PTPRT: variants seen among roughly 807,000 people sequenced by gnomAD.
PTPRT encodes the protein protein tyrosine phosphatase receptor type T.
A neutral mutation model predicts 176.8 loss-of-function variants in PTPRT; 56 were observed. That is an observed-to-expected ratio of 0.32 (90% CI 0.26 to 0.40). The LOEUF is 0.40. Ranked by LOEUF, PTPRT falls within the 10% of genes least tolerant of loss-of-function variation. PTPRT has a pLI of 1.00. For missense variants in PTPRT, 1,540 were observed against 1,908.2 expected, an observed-to-expected ratio of 0.81 and a Z score of 3.60; for synonymous variants, 783 against 739.0, an observed-to-expected ratio of 1.06 and a Z score of -0.96.
At chr20:42,980,774 G>A (rs932927577) in intron 1 of PTPRT, among the ~76,000 whole-genome samples, 14 of 152,164 alleles carry the variant, frequency 9.2e-5, no homozygotes, top group East Asian at 3.9e-4. Flanking sequence ...TTGTTAGAGC[G>A]TCTACTTTAG....
intron 9 of PTPRT, among the ~76,000 whole-genome samples, chr20:42,438,473 T>C (rs2059283107): frequency 6.6e-6 from 1 of 152,196 alleles, no homozygotes; most frequent in African/African-American, 2.4e-5. Context: ...CTGATATCTC[T>C]GTCAGTTAAC....
the PTPRT span, among the ~76,000 whole-genome samples, chr20:42,044,835 A>T: frequency 4.6e-5 from 7 of 152,192 alleles, no homozygotes; most frequent in Admixed American, 1.3e-4. Flanking sequence ...ACATGAAACT[A>T]ACTGGGCTAG....
At position 42,677,930 on chromosome 20, in the gene PTPRT, T is replaced by G. The variant is rs369003695; in HGVS notation, c.1089A>C (p.Thr363=). 8.7e-6 allele frequency: 14 copies of G among 1,614,026 alleles called. No homozygotes were observed. The highest frequency in any genetic ancestry group is 1.0e-5 in the Non-Finnish European group (12 of 1,180,000). Residue 363 remains threonine (T), a synonymous_variant, in exon 7 of 31, where the codon ACA becomes ACC. Transcript: ENST00000373187. ...GTCCCGTACCCCCCTCACCTGGTCG[T>G]GTGAGGAGCACTCGGATCTCATACT... ...DVEYEIRVLL[T]RPGEGGTGPP...
At chr20:43,142,337 G>A (rs910562187) in intron 1 of PTPRT, among the ~76,000 whole-genome samples, 4 of 152,356 alleles carry the variant, frequency 2.6e-5, no homozygotes, top group Middle Eastern at 3.4e-3. Context: ...CAGGGCACAC[G>A]ACTGTCCCCC....
At chr20:42,150,091 G>A (rs1989057878) in intron 17 of PTPRT, among the ~76,000 whole-genome samples, 3 of 152,148 alleles carry the variant, frequency 2.0e-5, no homozygotes, top group Admixed American at 2.0e-4. Context: ...TCTTCTACCT[G>A]GTTCTACTGA....
intron 6 of PTPRT, among the ~76,000 whole-genome samples, chr20:42,752,005 C>T (rs553043222): frequency 6.6e-6 from 1 of 152,106 alleles, no homozygotes; most frequent in African/African-American, 2.4e-5. Context: ...ACCCCATGAC[C>T]CAAATGTCCC....
intron 1 of PTPRT, among the ~76,000 whole-genome samples, chr20:42,933,227 A>G (rs1314768162): frequency 3.3e-5 from 5 of 152,156 alleles, no homozygotes; most frequent in Admixed American, 1.3e-4. Context: ...ACCTTCAGCC[A>G]AGAATGTCTT....
At chr20:43,054,506 A>G (rs1431799672) in intron 1 of PTPRT, among the ~76,000 whole-genome samples, 1 of 150,522 alleles carries the variant, frequency 6.6e-6, no homozygotes, top group East Asian at 2.0e-4. Flanking sequence ...GTGGGCCAAG[A>G]TTGTACCACT....
intron 7 of PTPRT, among the ~76,000 whole-genome samples, chr20:42,580,718 T>G (rs6130173): frequency 0.43 from 64,761 of 151,912 alleles, 14,293 homozygotes; most frequent in East Asian, 0.51. Flanking sequence ...CTGTTATTGA[T>G]GTATAAGAAT....
At chr20:42,794,663 T>C (rs775442244) in intron 2 of PTPRT, among the ~76,000 whole-genome samples, 5 of 152,172 alleles carry the variant, frequency 3.3e-5, no homozygotes, top group Non-Finnish European at 7.3e-5. Flanking sequence ...AAAAAGGGAA[T>C]AAACTATTAT....
At chr20:42,597,735 C>A (rs560900515) in intron 7 of PTPRT, among the ~76,000 whole-genome samples, 1 of 152,272 alleles carries the variant, frequency 6.6e-6, no homozygotes, top group South Asian at 2.1e-4. Flanking sequence ...GGCAATCGAA[C>A]CTCTTTTCTT....
intron 1 of PTPRT, among the ~76,000 whole-genome samples, chr20:42,989,792 T>C (rs1353893137): frequency 2.6e-5 from 4 of 152,226 alleles, no homozygotes; most frequent in Non-Finnish European, 5.9e-5. Flanking sequence ...ACTGGGAAAA[T>C]TGATGATTAT....
chr20:42,776,146 T>G (rs959536299), intron 4 of PTPRT, among the ~76,000 whole-genome samples: 9 of 152,132 alleles, frequency 5.9e-5, no homozygotes, highest in African/African-American at 1.9e-4. Context: ...TTAATCCAAT[T>G]TATCAAATGA....
chr20:42,283,541 C>T (rs1032288743), intron 12 of PTPRT, among the ~76,000 whole-genome samples: 1 of 152,076 alleles, frequency 6.6e-6, no homozygotes, highest in Non-Finnish European at 1.5e-5. Flanking sequence ...TCCATTCAAA[C>T]TACCTGTCCA....
chr20:42,693,277 T>C (rs920653217), intron 6 of PTPRT, among the ~76,000 whole-genome samples: 1 of 152,176 alleles, frequency 6.6e-6, no homozygotes, highest in African/African-American at 2.4e-5. Context: ...TATTGTAAAG[T>C]TGTATATTCT....
chr20:42,236,646 T>C (rs1450626469), intron 14 of PTPRT, among the ~76,000 whole-genome samples: 1 of 150,428 alleles, frequency 6.6e-6, no homozygotes, highest in African/African-American at 2.4e-5. Flanking sequence ...TTGGATCAGC[T>C]CTCTGTGGCT....
rs567252907 is a variant in PTPRT, at chr20:42,754,267, C to A, written c.859+2195G>T. On this transcript the variant is annotated intron_variant, in intron 6 of 30. Transcript: ENST00000373187. ...GTGGCATGATCTCAGCTCACCACAA[C>A]CTCCGTCTCCTGGGTTTAAGCGATT... Among the ~76,000 whole-genome samples the A allele has an allele frequency of 1.3e-3, 192 of 152,318 alleles. 1 individual carries two copies. Among genetic ancestry groups the A allele is most frequent in the African/African-American group, 4.5e-3 (185 of 41,570 alleles).
At chr20:42,203,088 T>C (rs1299619323) in intron 15 of PTPRT, among the ~76,000 whole-genome samples, 2 of 152,314 alleles carry the variant, frequency 1.3e-5, no homozygotes, top group East Asian at 3.9e-4. Flanking sequence ...ATGGTGATAA[T>C]AATGTTATAT....
intron 6 of PTPRT, among the ~76,000 whole-genome samples, chr20:42,695,525 G>A (rs1421804693): frequency 2.6e-5 from 4 of 151,936 alleles, no homozygotes; most frequent in South Asian, 2.1e-4. Flanking sequence ...TTATGTTTTC[G>A]GTCAGGATGA....
Sources: gnomAD v4.1 joint callset for allele counts (sites outside exome capture counted in the v4.1 genomes callset) on GRCh38, gnomAD v4.1.1 for gene constraint, MANE v1.5 for transcripts, NCBI Gene and HGNC (gene_info 2026-07-23, HGNC 2026-07-21) for gene names.